The following ROBO2 variants were observed in gnomAD, a reference collection of about 807,000 sequenced individuals.
ROBO2 encodes the protein roundabout guidance receptor 2, also known as roundabout homolog 2.
A neutral mutation model predicts 160.8 loss-of-function variants in ROBO2; 53 were observed. The ratio of observed to expected loss-of-function variants is 0.33; its 90% CI spans 0.26 to 0.41. ROBO2 has a LOEUF of 0.41. ROBO2 is among the 10% of genes least tolerant of loss of function. The pLI, the probability that ROBO2 is intolerant of heterozygous loss-of-function variation, is 1.00. For synonymous variants in ROBO2, 664 were observed against 611.7 expected (o/e 1.09, Z -1.26); for missense variants, 1,577 against 1,722.4 (o/e 0.92, Z 1.49).
chr3:76,821,916 C>T (rs1230072159), intron 2 of ROBO2, among the ~76,000 whole-genome samples: 2 of 151,932 alleles, frequency 1.3e-5, no homozygotes, highest in African/African-American at 4.8e-5. Flanking sequence ...CAGCCCTGTC[C>T]CCTCTCATAT....
At chr3:76,552,131 T>G (rs748397674) in intron 2 of ROBO2, among the ~76,000 whole-genome samples, 1 of 152,224 alleles carries the variant, frequency 6.6e-6, no homozygotes, top group Non-Finnish European at 1.5e-5. Context: ...ATAACAACTA[T>G]TTACATAGCA....
chr3:77,596,582 T>C (rs555522369), intron 18 of ROBO2, 41 bp from the exon 20 acceptor site: 15 of 1,612,844 alleles, frequency 9.3e-6, no homozygotes, highest in East Asian at 8.9e-5. Context: ...AAATCTTGCA[T>C]TGAGCTCCAT....
chr3:76,153,898 AG>A (rs2072304828), intron 2 of ROBO2, among the ~76,000 whole-genome samples: 1 of 152,132 alleles, frequency 6.6e-6, no homozygotes, highest in Admixed American at 6.6e-5. Flanking sequence ...ACAACTGCAG[AG>A]GAAGCTGGTG....
intron 2 of ROBO2, among the ~76,000 whole-genome samples, chr3:76,687,504 A>T (rs1045885478): frequency 2.6e-5 from 4 of 152,098 alleles, no homozygotes; most frequent in East Asian, 1.9e-4. Context: ...GAAAGATTTT[A>T]AAAAATACCA....
At chr3:76,880,812 A>T (rs1178836905) in intron 2 of ROBO2, among the ~76,000 whole-genome samples, 1 of 152,216 alleles carries the variant, frequency 6.6e-6, no homozygotes, top group African/African-American at 2.4e-5. Context: ...CCACAGATCA[A>T]ACTAATAGGC....
intron 2 of ROBO2, among the ~76,000 whole-genome samples, chr3:76,708,230 T>C (rs1019839331): frequency 2.0e-5 from 3 of 152,210 alleles, no homozygotes; most frequent in African/African-American, 7.2e-5. Flanking sequence ...ATTTTCTCTA[T>C]ACTTCTACAT....
chr3:76,997,871 G>C (rs2061110072), intron 2 of ROBO2, among the ~76,000 whole-genome samples: 1 of 152,078 alleles, frequency 6.6e-6, no homozygotes, highest in South Asian at 2.1e-4. Context: ...CTGGGAAATG[G>C]CCCAAAATGA....
chr3:76,460,920 T>C (rs963955008), intron 2 of ROBO2, among the ~76,000 whole-genome samples: 2 of 152,154 alleles, frequency 1.3e-5, no homozygotes, highest in Admixed American at 6.5e-5. Context: ...GATTACTAAA[T>C]AAATAGAACT....
intron 2 of ROBO2, among the ~76,000 whole-genome samples, chr3:76,538,578 G>A (rs1021042352): frequency 6.6e-5 from 10 of 152,124 alleles, no homozygotes; most frequent in Non-Finnish European, 1.5e-5. Context: ...AAAACCAATT[G>A]TTTTTTCTTT....
chr3:76,111,498 C>T lies in ROBO2; in HGVS notation c.109+173896C>T, dbSNP rs542896866. 4.3e-4 allele frequency among the ~76,000 whole-genome samples: 66 copies of T among 152,178 alleles called. No individual in the cohort carries two copies. In the South Asian group the frequency reaches 0.013, roughly 31 times the overall value. On this transcript the variant is annotated intron_variant, in intron 2 of 26. Coordinates refer to the ROBO2 transcript ENST00000487694. Reference sequence around the variant, plus strand: ...AGGAAATGAAGACGCCTGGCATTGTCTCACACTCCTGGAGACTCTTGTTTT... The same window carrying T: ...AGGAAATGAAGACGCCTGGCATTGTTTCACACTCCTGGAGACTCTTGTTTT...
intron 2 of ROBO2, among the ~76,000 whole-genome samples, chr3:75,939,609 T>C (rs527608703): frequency 2.8e-4 from 42 of 152,258 alleles, no homozygotes; most frequent in African/African-American, 9.6e-4. Context: ...TGCTTTGATA[T>C]TATGATTCAG....
rs199529182 is a variant in ROBO2 at position 77,546,457 on chromosome 3, A to G, written c.1054A>G (p.Ser352Gly). ...AGCTGTTTTTTGGCAGAAAGAAGGC[A>G]GCCAGGTGAGTGTGAGGCTTCACTG... Residue 352 changes from serine to glycine, a missense_variant, in exon 7 of 26, where the codon AGC (serine) becomes GGC (glycine). Coordinates refer to ENST00000461745, the Ensembl canonical transcript of ROBO2. 12 of 1,613,026 alleles carry G rather than the reference A, an allele frequency of 7.4e-6. No individual in the cohort carries two copies. The Admixed American group carries it at 2.0e-4, about 27-fold the overall frequency.
chr3:77,255,322 G>A (rs2090804472), intron 2 of ROBO2, among the ~76,000 whole-genome samples: 1 of 152,204 alleles, frequency 6.6e-6, no homozygotes, highest in South Asian at 2.1e-4. Context: ...TCTGTAAAGT[G>A]CGTGAAGTTT....
intron 1 of ROBO2, among the ~76,000 whole-genome samples, chr3:77,062,740 G>A (rs2066450374): frequency 6.6e-6 from 1 of 152,120 alleles, no homozygotes; most frequent in Non-Finnish European, 1.5e-5. Context: ...TCAAGAGGGG[G>A]AACTTCTATA....
chr3:76,201,169 TCTTC>T (rs1702508974), intron 2 of ROBO2, among the ~76,000 whole-genome samples: 3 of 152,222 alleles, frequency 2.0e-5, no homozygotes, highest in Non-Finnish European at 4.4e-5. Context: ...GCCACAACAG[TCTTC>T]TCAGTTATTT....
rs555861557 is a variant in ROBO2, at chr3:75,982,121, G to A, written c.109+44519G>A. Among the ~76,000 whole-genome samples the A allele has an allele frequency of 3.3e-5, 5 of 151,632 alleles. No individual in the cohort carries two copies. The Admixed American group carries it at 3.3e-4, about 10-fold the overall frequency. ...CTGAATCTCATTCTTTTTTATGGCT[G>A]CATAGTACTCCGTTGTGTATATGAA... On this transcript the variant is annotated intron_variant, in intron 2 of 26. Transcript: ENST00000487694.
At chr3:75,943,011 A>G (rs1948125744) in intron 2 of ROBO2, among the ~76,000 whole-genome samples, 1 of 16,058 alleles carries the variant, frequency 6.2e-5, no homozygotes, top group Non-Finnish European at 1.7e-3. Context: ...TCCTTAAAAA[A>G]TTATTTTTTT....
At chr3:76,101,316 A>C (rs1410422604) in intron 2 of ROBO2, among the ~76,000 whole-genome samples, 2 of 152,190 alleles carry the variant, frequency 1.3e-5, no homozygotes, top group Non-Finnish European at 2.9e-5. Context: ...GCAACACTAT[A>C]CAGACAGCAG....
chr3:77,118,844 T>G (rs1455206932), intron 2 of ROBO2, among the ~76,000 whole-genome samples: 4 of 152,200 alleles, frequency 2.6e-5, no homozygotes, highest in African/African-American at 9.7e-5. Context: ...ACTACACACC[T>G]TGACTATAAC....
Sources: allele counts gnomAD v4.1 joint callset (sites outside exome capture counted in the v4.1 genomes callset), GRCh38; gene constraint gnomAD v4.1.1; transcripts MANE v1.5; gene names NCBI Gene and HGNC (gene_info 2026-07-23, HGNC 2026-07-21).